ERC2: variants seen among roughly 807,000 people sequenced by gnomAD.
ERC2 encodes ERC protein 2.
ERC2 carries 42 observed loss-of-function variants against 114.8 expected under a neutral mutation model. The ratio of observed to expected loss-of-function variants is 0.37; its 90% CI spans 0.29 to 0.47. The LOEUF is 0.47. Ranked by LOEUF, ERC2 falls within the 20% of genes least tolerant of loss-of-function variation. ERC2 has a pLI of 0.99. For missense variants in ERC2, 939 were observed against 1,150.7 expected, an observed-to-expected ratio of 0.82 and a Z score of 2.66; for synonymous variants, 454 against 425.5, an observed-to-expected ratio of 1.07 and a Z score of -0.82.
At chr3:56,228,226 A>G (rs2050380547) in intron 3 of ERC2, among the ~76,000 whole-genome samples, 2 of 152,218 alleles carry the variant, frequency 1.3e-5, no homozygotes, top group African/African-American at 2.4e-5. Context: ...AATATTTACC[A>G]TCTCAACCAT....
intron 7 of ERC2, among the ~76,000 whole-genome samples, chr3:56,071,324 G>T (rs1012416677): frequency 1.3e-5 from 2 of 152,294 alleles, no homozygotes; most frequent in Non-Finnish European, 2.9e-5. Context: ...CTTGAGTACA[G>T]CCCAGGCTCT....
At chr3:56,320,156 T>C (rs1419194202) in intron 2 of ERC2, among the ~76,000 whole-genome samples, 3 of 152,208 alleles carry the variant, frequency 2.0e-5, no homozygotes, top group South Asian at 2.1e-4. Context: ...AAGAAAATAT[T>C]TGATTGATTA....
rs561126013 is a variant in ERC2 at position 55,508,687 on chromosome 3, A to G, written c.*2629T>C. 6.5e-6 allele frequency: 1 copy of G among 152,748 alleles called. No homozygotes were observed. The highest frequency in any genetic ancestry group is 1.9e-4 in the East Asian group (1 of 5,186). 9.5% of individuals were successfully genotyped at this position (152,748 alleles called of 1,614,324 possible). ...GATAGAGCTTACGTCAACACATCTG[A>G]GGTCTCGTCATAAACACTGTTTAAA... On this transcript the variant is annotated 3_prime_UTR_variant, in exon 18 of 18. Coordinates refer to ENST00000288221, the MANE Select transcript of ERC2 (RefSeq NM_015576.3).
chr3:55,944,179 T>C (rs2066987151), intron 13 of ERC2, among the ~76,000 whole-genome samples: 2 of 152,172 alleles, frequency 1.3e-5, no homozygotes, highest in Non-Finnish European at 2.9e-5. Context: ...ATAATAACAA[T>C]GATTACATTT....
intron 17 of ERC2, among the ~76,000 whole-genome samples, chr3:55,630,398 A>G (rs939041915): frequency 2.0e-5 from 3 of 151,922 alleles, no homozygotes; most frequent in Non-Finnish European, 4.4e-5. Flanking sequence ...CGAACTCCCA[A>G]CCTCAGGTGA....
chr3:55,685,615 C>A (rs2062288644), intron 16 of ERC2, among the ~76,000 whole-genome samples: 1 of 152,050 alleles, frequency 6.6e-6, no homozygotes, highest in Non-Finnish European at 1.5e-5. Flanking sequence ...GGCCTAGCAA[C>A]CCCTTGAAAT....
intron 7 of ERC2, among the ~76,000 whole-genome samples, chr3:56,076,238 G>T (rs1383076172): frequency 6.6e-6 from 1 of 152,044 alleles, no homozygotes; most frequent in Non-Finnish European, 1.5e-5. Flanking sequence ...TGGGACTAAG[G>T]CCTAGAAAGA....
intron 7 of ERC2, among the ~76,000 whole-genome samples, chr3:56,059,955 C>T (rs2076179549): frequency 6.6e-6 from 1 of 152,204 alleles, no homozygotes; most frequent in African/African-American, 2.4e-5. Context: ...ACATTCATTT[C>T]AATATTCCTG....
chr3:56,199,918 T>C (rs951126455), intron 3 of ERC2, among the ~76,000 whole-genome samples: 2 of 152,066 alleles, frequency 1.3e-5, no homozygotes, highest in East Asian at 1.9e-4. Flanking sequence ...TGGTGATCTA[T>C]ACAAGAGGAT....
At chr3:56,287,769 C>T (rs1383833236) in intron 3 of ERC2, among the ~76,000 whole-genome samples, 2 of 152,182 alleles carry the variant, frequency 1.3e-5, no homozygotes, top group African/African-American at 4.8e-5. Context: ...ATGCCAGATC[C>T]ATCCATCACT....
intron 13 of ERC2, among the ~76,000 whole-genome samples, chr3:55,896,001 G>T (rs909649337): frequency 6.6e-6 from 1 of 152,180 alleles, no homozygotes; most frequent in Admixed American, 6.5e-5. Flanking sequence ...GAACCTGTGA[G>T]TTTCACAGAG....
At position 55,917,728 on chromosome 3, in the gene ERC2, C is replaced by T. The variant is rs75353582; in HGVS notation, c.2404-29179G>A. Among the ~76,000 whole-genome samples, 586 of 152,198 alleles carry T rather than the reference C, an allele frequency of 3.9e-3. 3 individuals carry two copies. The highest frequency in any genetic ancestry group is 0.013 in the African/African-American group (559 of 41,532). Reference sequence around the variant, plus strand: ...AAATGTTCTAAAATTGATTGCACAACTCTGAATATGCTGAAAATCATTGAA... The same window carrying T: ...AAATGTTCTAAAATTGATTGCACAATTCTGAATATGCTGAAAATCATTGAA... On this transcript the variant is annotated intron_variant, in intron 13 of 17. Coordinates refer to ENST00000288221, the MANE Select transcript of ERC2 (RefSeq NM_015576.3).
intron 13 of ERC2, among the ~76,000 whole-genome samples, chr3:55,928,579 T>A (rs958417762): frequency 3.9e-5 from 6 of 152,218 alleles, no homozygotes; most frequent in African/African-American, 1.4e-4. Context: ...ACTTTGTTGA[T>A]TGTTTCCCTT....
chr3:56,274,968 C>A (rs561266528), intron 3 of ERC2, among the ~76,000 whole-genome samples: 3 of 152,240 alleles, frequency 2.0e-5, no homozygotes, highest in Admixed American at 2.0e-4. Context: ...TGCTATAGTG[C>A]AGGAATAAAG....
chr3:56,190,125 T>G (rs760629986), intron 3 of ERC2, among the ~76,000 whole-genome samples: 44 of 152,084 alleles, frequency 2.9e-4, no homozygotes, highest in Non-Finnish European at 5.4e-4. Context: ...AAAAATGAAA[T>G]GGAATTAGGG....
intron 4 of ERC2, among the ~76,000 whole-genome samples, chr3:56,171,843 CT>C (rs34797642): frequency 0.03 from 4,170 of 139,198 alleles, 56 homozygotes; most frequent in Middle Eastern, 0.049. Flanking sequence ...GAAACTCGCT[CT>C]TTTTTTTTTT....
At chr3:55,935,677 G>A (rs1256899501) in intron 13 of ERC2, among the ~76,000 whole-genome samples, 1 of 152,162 alleles carries the variant, frequency 6.6e-6, no homozygotes, top group East Asian at 1.9e-4. Context: ...CCAGTCTGCA[G>A]GCCATGTGCC....
At chr3:55,822,407 A>G (rs2060160305) in intron 14 of ERC2, among the ~76,000 whole-genome samples, 2 of 152,000 alleles carry the variant, frequency 1.3e-5, no homozygotes, top group African/African-American at 2.4e-5. Context: ...GACCTGTTAC[A>G]CCCCTTAATT....
chr3:56,054,627 T>C (rs1285747026), intron 7 of ERC2, among the ~76,000 whole-genome samples: 1 of 152,218 alleles, frequency 6.6e-6, no homozygotes, highest in Non-Finnish European at 1.5e-5. Context: ...AAAGATACTG[T>C]GTTCTTATTT....
Sources: allele counts gnomAD v4.1 joint callset (sites outside exome capture counted in the v4.1 genomes callset), GRCh38; gene constraint gnomAD v4.1.1; transcripts MANE v1.5; gene names NCBI Gene and HGNC (gene_info 2026-07-23, HGNC 2026-07-21).